OTUD7A: variants seen among roughly 807,000 people sequenced by gnomAD.
The protein encoded by OTUD7A is OTU deubiquitinase 7A.
Under a neutral mutation model 65.7 loss-of-function variants are expected in OTUD7A, and 12 were observed. The observed-to-expected ratio is 0.18, with a 90% CI of 0.12 to 0.30. The LOEUF is 0.30. Ranked by LOEUF, OTUD7A falls within the 10% of genes least tolerant of loss-of-function variation. The probability of loss-of-function intolerance (pLI) is 1.00; values close to 1 mark genes in which losing one functional copy is unlikely to be tolerated. For synonymous variants in OTUD7A, 641 were observed against 586.3 expected (o/e 1.09, Z -1.35); for missense variants, 1,148 against 1,304.8 (o/e 0.88, Z 1.85).
chr15:31,678,093 C>T (rs977000837), intron 1 of OTUD7A, among the ~76,000 whole-genome samples: 1 of 152,114 alleles, frequency 6.6e-6, no homozygotes, highest in African/African-American at 2.4e-5. Flanking sequence ...TTGCCCCTGC[C>T]CTAGGGATCT....
intron 4 of OTUD7A, among the ~76,000 whole-genome samples, chr15:31,563,486 G>A (rs1436638261): frequency 6.6e-6 from 1 of 152,242 alleles, no homozygotes; most frequent in African/African-American, 2.4e-5. Context: ...GGGGCAGGAG[G>A]TGGGAATGGG....
intron 1 of OTUD7A, among the ~76,000 whole-genome samples, chr15:31,797,190 C>T (rs982573190): frequency 6.6e-6 from 1 of 152,120 alleles, no homozygotes; most frequent in African/African-American, 2.4e-5. Context: ...CATGGGAGCC[C>T]GCGCTGCCTC....
At chr15:31,615,115 A>T (rs1200647316) in intron 3 of OTUD7A, among the ~76,000 whole-genome samples, 1 of 152,200 alleles carries the variant, frequency 6.6e-6, no homozygotes, top group African/African-American at 2.4e-5. Context: ...GCAAATAATG[A>T]GATGTTAGAT....
At chr15:31,505,131 C>T (rs1016581240) in intron 8 of OTUD7A, among the ~76,000 whole-genome samples, 3 of 152,048 alleles carry the variant, frequency 2.0e-5, no homozygotes, top group African/African-American at 7.2e-5. Context: ...TATTTATAAC[C>T]TGACATGTCC....
At chr15:31,622,094 C>A (rs186999252) in intron 3 of OTUD7A, among the ~76,000 whole-genome samples, 105 of 152,302 alleles carry the variant, frequency 6.9e-4, no homozygotes, top group African/African-American at 2.4e-3. Context: ...TATTGGCCCC[C>A]ACTCTCTTCT....
chr15:31,597,873 A>AG (rs1366814935), intron 3 of OTUD7A, among the ~76,000 whole-genome samples: 1 of 152,076 alleles, frequency 6.6e-6, no homozygotes, highest in African/African-American at 2.4e-5. Flanking sequence ...ACCCCCATAG[A>AG]GGGGCTGCTG....
chr15:31,786,896 T>C (rs1353935198), intron 1 of OTUD7A, among the ~76,000 whole-genome samples: 1 of 152,044 alleles, frequency 6.6e-6, no homozygotes, highest in African/African-American at 2.4e-5. Context: ...TTATGAAATG[T>C]GTGTGAGGCC....
intron 4 of OTUD7A, among the ~76,000 whole-genome samples, chr15:31,559,941 C>T (rs1888636731): frequency 6.6e-6 from 1 of 152,232 alleles, no homozygotes; most frequent in African/African-American, 2.4e-5. Flanking sequence ...TTAATCACCA[C>T]CACCTGGTAT....
rs76672180 is a variant in OTUD7A at position 31,764,067 on chromosome 15, T to C, written c.-100+106440A>G. 6.9e-3 allele frequency among the ~76,000 whole-genome samples: 1,053 copies of C among 152,320 alleles called. 13 individuals are homozygous for C. Among genetic ancestry groups the C allele is most frequent in the African/African-American group, 0.024 (1,006 of 41,578 alleles). On this transcript the variant is annotated intron_variant, in intron 1 of 12. Transcript: ENST00000307050. ...GACAAGAGTGACACGGGAGGGAAAC[T>C]TGAAACTTCAGAAATAAAAAGCAAC...
rs900986578 is a variant in OTUD7A, at chr15:31,610,551, T to C, written c.152-40354A>G. ...ACTTTCTCCAAGATAGACCATATGATAGGCCACAAAACAAGCCTCAATAAA... is the reference window on the plus strand; with the variant it reads ...ACTTTCTCCAAGATAGACCATATGACAGGCCACAAAACAAGCCTCAATAAA... On this transcript the variant is annotated intron_variant, in intron 3 of 12. Coordinates refer to ENST00000307050, the MANE Select transcript of OTUD7A (RefSeq NM_001382637.1). 4.9e-5 allele frequency among the ~76,000 whole-genome samples: 7 copies of C among 143,388 alleles called. 1 individual carries two copies. The highest frequency in any genetic ancestry group is 3.5e-3 in the Middle Eastern group (1 of 286). 94.1% of individuals were successfully genotyped at this position (143,388 alleles called of 152,430 possible).
intron 1 of OTUD7A, among the ~76,000 whole-genome samples, chr15:31,755,842 C>G (rs1894797650): frequency 6.6e-6 from 1 of 152,226 alleles, no homozygotes; most frequent in Non-Finnish European, 1.5e-5. Flanking sequence ...GCTTGTTTTC[C>G]ACCCAGTGGC....
At chr15:31,510,014 GTCTTGCGGCGCAGGCTGGGCAAGGGA>G (rs1048726456) in intron 8 of OTUD7A, among the ~76,000 whole-genome samples, 14 of 135,000 alleles carry the variant, frequency 1.0e-4, no homozygotes, top group Non-Finnish European at 1.6e-4. Flanking sequence ...TTTTTTCCCG[GTCTTGCGGCGCAGGCTGGGCAAGGGA>G]CGGGCCCCGC....
chr15:31,632,456 ATGC>A (rs1319766897), intron 3 of OTUD7A, among the ~76,000 whole-genome samples: 2 of 152,212 alleles, frequency 1.3e-5, no homozygotes, highest in African/African-American at 4.8e-5. Flanking sequence ...TGAACCACAG[ATGC>A]TGCTGCCTGA....
intron 1 of OTUD7A, among the ~76,000 whole-genome samples, chr15:31,777,436 G>A (rs1895413627): frequency 6.6e-6 from 1 of 152,220 alleles, no homozygotes; most frequent in Admixed American, 6.5e-5. Flanking sequence ...TCCTTACCCA[G>A]TGGGCATTAG....
chr15:31,730,847 G>C (rs8026741), intron 1 of OTUD7A, among the ~76,000 whole-genome samples: 30,996 of 152,186 alleles, frequency 0.2, 3,592 homozygotes, highest in Admixed American at 0.28. Context: ...CAGGAGGTCA[G>C]TGATGGACAT....
chr15:31,861,202 C>T (rs1897732679), intron 1 of OTUD7A, among the ~76,000 whole-genome samples: 1 of 152,000 alleles, frequency 6.6e-6, no homozygotes, highest in African/African-American at 2.4e-5. Context: ...TTCACATGTT[C>T]AGTTAAGACC....
In OTUD7A at chr15:31,746,129, C is replaced by A. The variant is rs146902305; in HGVS notation, c.-99-89052G>T. On this transcript the variant is annotated intron_variant, in intron 1 of 12. Coordinates refer to ENST00000307050, the MANE Select transcript of OTUD7A (RefSeq NM_001382637.1). Reference sequence around the variant, plus strand: ...ACTCATTTGGAAAAAGATATGATAGCTTTCTATAAAACTAAGCAAACATCA... The same window carrying A: ...ACTCATTTGGAAAAAGATATGATAGATTTCTATAAAACTAAGCAAACATCA... Among the ~76,000 whole-genome samples the A allele has an allele frequency of 3.6e-3, 547 of 152,282 alleles. 9 individuals carry two copies. Among genetic ancestry groups the A allele is most frequent in the Non-Finnish European group, 2.1e-3 (141 of 68,026 alleles).
Position 31,716,538 on chromosome 15 carries a change from C to G in OTUD7A, c.-99-59461G>C, listed in dbSNP as rs1595723584. Among the ~76,000 whole-genome samples, 7 of 128,624 alleles carry G rather than the reference C, an allele frequency of 5.4e-5. No homozygotes were observed. In the East Asian group the frequency reaches 1.7e-3, roughly 31 times the overall value. The allele number at this position is 128,624 out of a possible 152,430, so 84.4% of individuals were successfully genotyped here. On this transcript the variant is annotated intron_variant, in intron 1 of 12. Coordinates refer to ENST00000307050, the MANE Select transcript of OTUD7A (RefSeq NM_001382637.1). ...CATGAGCCTTCAGACCATGGGCACA[C>G]ATGGACCAGCGATGGCTCCCGTGAG...
At chr15:31,590,210 T>C (rs1566933669) in intron 3 of OTUD7A, among the ~76,000 whole-genome samples, 3 of 152,352 alleles carry the variant, frequency 2.0e-5, no homozygotes, top group East Asian at 1.9e-4. Context: ...TGTGTTACAA[T>C]TGCCTATAGT....
Sources: gnomAD v4.1 joint callset for allele counts (sites outside exome capture counted in the v4.1 genomes callset) on GRCh38, gnomAD v4.1.1 for gene constraint, MANE v1.5 for transcripts, NCBI Gene and HGNC (gene_info 2026-07-23, HGNC 2026-07-21) for gene names.